The following SKAP1 variants were observed in gnomAD, a reference collection of about 807,000 sequenced individuals.
SKAP1 encodes src kinase associated phosphoprotein 1, also known as src kinase-associated phosphoprotein 1.
A neutral mutation model predicts 58.5 loss-of-function variants in SKAP1; 44 were observed. The observed-to-expected ratio is 0.75, with a 90% CI of 0.59 to 0.97. The LOEUF (loss-of-function observed/expected upper bound fraction) is 0.97, where lower values mean the gene tolerates loss of function less well. Ranked by LOEUF, SKAP1 falls within the 50% of genes least tolerant of loss-of-function variation. The pLI, the probability that SKAP1 is intolerant of heterozygous loss-of-function variation, is 0.00. For missense variants in SKAP1, 390 were observed against 435.2 expected, an observed-to-expected ratio of 0.90 and a Z score of 0.92; for synonymous variants, 127 against 149.7, an observed-to-expected ratio of 0.85 and a Z score of 1.11.
At chr17:48,434,984 A>G (rs980957074), upstream of SKAP1, among the ~76,000 whole-genome samples, 5 of 152,064 alleles carry the variant, frequency 3.3e-5, no homozygotes, top group Non-Finnish European at 7.4e-5. Flanking sequence ...TCTACAAAAA[A>G]TTCAAAAATT....
intron 2 of SKAP1, among the ~76,000 whole-genome samples, chr17:48,370,876 C>CT (rs1316631177): frequency 6.6e-6 from 1 of 152,134 alleles, no homozygotes; most frequent in Non-Finnish European, 1.5e-5. Context: ...TGGAATCAAC[C>CT]TAGGTGTCCA....
intron 1 of SKAP1, among the ~76,000 whole-genome samples, chr17:48,407,157 C>A (rs566819602): frequency 6.6e-6 from 1 of 152,102 alleles, no homozygotes; most frequent in Non-Finnish European, 1.5e-5. Context: ...TAGGAGAAAA[C>A]AGCCTATATA....
At chr17:48,266,128 A>C (rs2065546189) in intron 4 of SKAP1, among the ~76,000 whole-genome samples, 1 of 151,978 alleles carries the variant, frequency 6.6e-6, no homozygotes, top group African/African-American at 2.4e-5. Flanking sequence ...ACACACACCC[A>C]CACCTACACA....
intron 4 of SKAP1, chr17:48,344,390 G>C (rs1410542101): frequency 6.2e-6 from 1 of 161,596 alleles, no homozygotes; most frequent in African/African-American, 2.4e-5. Context: ...GGCCTTAGGG[G>C]TTCTTCCAAG....
intron 4 of SKAP1, among the ~76,000 whole-genome samples, chr17:48,207,222 C>T (rs568463292): frequency 3.9e-5 from 6 of 152,078 alleles, no homozygotes; most frequent in Non-Finnish European, 2.9e-5. Flanking sequence ...TGGTGACTCA[C>T]GCCTGTAATC....
chr17:48,185,681 AATG>A (rs1275412212), intron 6 of SKAP1, among the ~76,000 whole-genome samples: 1 of 152,168 alleles, frequency 6.6e-6, no homozygotes, highest in African/African-American at 2.4e-5. Flanking sequence ...TGATGATGAT[AATG>A]ATGACAAGGA....
At chr17:48,157,394 C>A (rs1238482004) in intron 11 of SKAP1, among the ~76,000 whole-genome samples, 2 of 152,082 alleles carry the variant, frequency 1.3e-5, no homozygotes, top group East Asian at 1.9e-4. Context: ...TGCCACCACA[C>A]CCAGCTAATT....
intron 4 of SKAP1, among the ~76,000 whole-genome samples, chr17:48,207,220 C>G (rs1291738958): frequency 6.6e-6 from 1 of 152,102 alleles, no homozygotes; most frequent in African/African-American, 2.4e-5. Context: ...CATGGTGACT[C>G]ACGCCTGTAA....
chr17:48,265,388 C>G (rs1242437643), intron 4 of SKAP1, among the ~76,000 whole-genome samples: 1 of 151,886 alleles, frequency 6.6e-6, no homozygotes, highest in Non-Finnish European at 1.5e-5. Context: ...GCCTGTAATC[C>G]CAGCTACTTG....
rs537564979 is a variant in SKAP1, at chr17:48,430,192, C to T, written c.-72G>A. 108 of 1,101,680 alleles carry T rather than the reference C, an allele frequency of 9.8e-5. No homozygotes were observed. The African/African-American group carries it at 1.5e-3, about 15-fold the overall frequency. The allele number at this position is 1,101,680 out of a possible 1,614,324, so 68.2% of individuals were successfully genotyped here. A position where few individuals can be genotyped will look rare whatever the true frequency, so the allele number is the denominator to read the frequency against. On this transcript the variant is annotated 5_prime_UTR_variant, in exon 1 of 13. Coordinates refer to ENST00000336915, the MANE Select transcript of SKAP1 (RefSeq NM_003726.4). ...GAGGCGGACGGGCTGGAAGGCGACC[C>T]GGCTGCACCGCGAGGCACCTGTACC...
At chr17:48,150,225 CTTTT>C (rs1321560302) in intron 11 of SKAP1, among the ~76,000 whole-genome samples, 1 of 152,124 alleles carries the variant, frequency 6.6e-6, no homozygotes, top group Non-Finnish European at 1.5e-5. Context: ...AATACAAGGG[CTTTT>C]TTCTTTAAAA....
intron 9 of SKAP1, among the ~76,000 whole-genome samples, chr17:48,173,782 G>C (rs1246780252): frequency 6.6e-6 from 1 of 152,132 alleles, no homozygotes; most frequent in African/African-American, 2.4e-5. Flanking sequence ...AAGTTGGAGG[G>C]TCACAGTGCT....
the SKAP1 span, among the ~76,000 whole-genome samples, chr17:48,439,011 G>GACTA: frequency 6.6e-6 from 1 of 152,216 alleles, no homozygotes; most frequent in Non-Finnish European, 1.5e-5. Flanking sequence ...ATAGTTTGAA[G>GACTA]GATTAGAAAC....
upstream of SKAP1, among the ~76,000 whole-genome samples, chr17:48,431,098 GA>G (rs1028873138): frequency 4.3e-4 from 66 of 152,148 alleles, no homozygotes; most frequent in Non-Finnish European, 1.6e-4. Context: ...CAACTGCCAT[GA>G]AAAAAGTATA....
chr17:48,354,755 A>G (rs891127247), intron 3 of SKAP1, among the ~76,000 whole-genome samples: 1 of 152,248 alleles, frequency 6.6e-6, no homozygotes, highest in Non-Finnish European at 1.5e-5. Flanking sequence ...ATGCTTTCTA[A>G]TAGAATTGGG....
At chr17:48,388,796 TTC>T (rs1184805635) in intron 2 of SKAP1, among the ~76,000 whole-genome samples, 1 of 152,216 alleles carries the variant, frequency 6.6e-6, no homozygotes, top group African/African-American at 2.4e-5. Context: ...TTTAAACAAA[TTC>T]TGCTACTTTG....
intron 9 of SKAP1, among the ~76,000 whole-genome samples, chr17:48,173,450 GT>G (rs952939105): frequency 8.5e-5 from 13 of 152,130 alleles, no homozygotes; most frequent in African/African-American, 2.7e-4. Flanking sequence ...TTTGCACATT[GT>G]CTTCTCGTTA....
intron 2 of SKAP1, among the ~76,000 whole-genome samples, chr17:48,395,949 C>T (rs1315512129): frequency 6.6e-6 from 1 of 152,202 alleles, no homozygotes; most frequent in Non-Finnish European, 1.5e-5. Flanking sequence ...GATGCTCTTC[C>T]TTTTCTAAGA....
At chr17:48,394,692 G>A (rs2067393935) in intron 2 of SKAP1, among the ~76,000 whole-genome samples, 1 of 152,066 alleles carries the variant, frequency 6.6e-6, no homozygotes, top group Admixed American at 6.6e-5. Context: ...TTCTTTTTAT[G>A]CCAAGCTTTT....
Sources: allele counts gnomAD v4.1 joint callset (sites outside exome capture counted in the v4.1 genomes callset), GRCh38; gene constraint gnomAD v4.1.1; transcripts MANE v1.5; gene names NCBI Gene and HGNC (gene_info 2026-07-23, HGNC 2026-07-21).